Variants in PKIG observed in about 807,000 individuals in gnomAD.
PKIG encodes the protein protein kinase (cAMP-dependent, catalytic) inhibitor gamma.
A neutral mutation model predicts 6.8 loss-of-function variants in PKIG; 1 was observed. The ratio of observed to expected loss-of-function variants is 0.15; its 90% CI spans 0.05 to 0.69. The LOEUF (loss-of-function observed/expected upper bound fraction) is 0.69, where lower values mean the gene tolerates loss of function less well. PKIG is among the 30% of genes least tolerant of loss of function. The pLI, the probability that PKIG is intolerant of heterozygous loss-of-function variation, is 0.82. For synonymous variants in PKIG, 39 were observed against 43.0 expected, an observed-to-expected ratio of 0.91 and a Z score of 0.36; for missense variants, 77 against 104.0, an observed-to-expected ratio of 0.74 and a Z score of 1.13.
chr20:44,531,969 G>A (rs370181743), exon 1 of PKIG: 1 of 152,316 alleles, frequency 6.6e-6, no homozygotes, highest in Non-Finnish European at 1.5e-5. Context: ...GAGAGGCGGC[G>A]AGACCGCAGG....
chr20:44,593,446 A>T (rs906290496), intron 2 of PKIG, among the ~76,000 whole-genome samples: 1 of 151,918 alleles, frequency 6.6e-6, no homozygotes, highest in African/African-American at 2.4e-5. Flanking sequence ...GAAAATCCTG[A>T]CATTTGCAAA....
Position 44,554,561 on chromosome 20 carries a change from G to A in PKIG, c.-241+22583G>A, listed in dbSNP as rs148089774. On this transcript the variant is annotated intron_variant, in intron 1 of 4. Coordinates refer to the PKIG transcript ENST00000372887. The stretch of plus-strand genomic sequence containing the variant: ...TGATGCTAATTGCTAGCTAAGAACT[G>A]GGACAAGGGTGAGGGGGTGAGGGGG... 2.6e-5 allele frequency among the ~76,000 whole-genome samples: 4 copies of A among 152,242 alleles called. No individual in the cohort carries two copies. In the East Asian group the frequency reaches 5.8e-4, roughly 22 times the overall value.
chr20:44,551,334 G>A (rs527552521), intron 1 of PKIG, among the ~76,000 whole-genome samples: 5 of 152,312 alleles, frequency 3.3e-5, no homozygotes, highest in South Asian at 4.1e-4. Flanking sequence ...GATTACAGGC[G>A]TGAGCCACCG....
At chr20:44,534,343 G>A (rs1252606276) in intron 1 of PKIG, among the ~76,000 whole-genome samples, 1 of 152,220 alleles carries the variant, frequency 6.6e-6, no homozygotes, top group Non-Finnish European at 1.5e-5. Flanking sequence ...CCTGAAAGGA[G>A]TGCACCAGTG....
At chr20:44,601,622 G>A (rs1011339366) in intron 2 of PKIG, among the ~76,000 whole-genome samples, 3 of 152,114 alleles carry the variant, frequency 2.0e-5, no homozygotes, top group African/African-American at 4.8e-5. Context: ...CTGTTTCCAC[G>A]GCCCTTTCGT....
intron 1 of PKIG, among the ~76,000 whole-genome samples, chr20:44,558,436 A>G (rs890737307): frequency 2.6e-5 from 4 of 152,188 alleles, no homozygotes; most frequent in Non-Finnish European, 5.9e-5. Flanking sequence ...TTGACACTCT[A>G]AAATAGTAAG....
intron 1 of PKIG, among the ~76,000 whole-genome samples, chr20:44,556,573 C>T (rs888788903): frequency 3.3e-5 from 5 of 151,822 alleles, no homozygotes; most frequent in Non-Finnish European, 7.4e-5. Flanking sequence ...ATGTTGGCCA[C>T]GCTGGTCTTG....
intron 1 of PKIG, among the ~76,000 whole-genome samples, chr20:44,534,523 T>C (rs915781795): frequency 6.6e-6 from 1 of 151,524 alleles, no homozygotes; most frequent in Non-Finnish European, 1.5e-5. Context: ...TGCTGGAGTG[T>C]AGTGGTGCAA....
Position 44,582,725 on chromosome 20 carries a change from T to G in PKIG, c.-100T>G, listed in dbSNP as rs1023101978. On this transcript the variant is annotated 5_prime_UTR_variant, in exon 1 of 4. Transcript: ENST00000372886. ...GGACCACTGGATTTTGAGGAAACTTTGGTCTTGTAAGTAGAACTTTACTCT... is the reference window on the plus strand; with the variant it reads ...GGACCACTGGATTTTGAGGAAACTTGGGTCTTGTAAGTAGAACTTTACTCT... 2 of 152,404 alleles carry G rather than the reference T, an allele frequency of 1.3e-5. No homozygotes were observed. The highest frequency in any genetic ancestry group is 4.8e-5 in the African/African-American group (2 of 41,448). 9.4% of individuals were successfully genotyped at this position (152,404 alleles called of 1,614,324 possible). A position where few individuals can be genotyped will look rare whatever the true frequency, so the allele number is the denominator to read the frequency against.
At chr20:44,567,912 G>A (rs1381428449) in intron 1 of PKIG, among the ~76,000 whole-genome samples, 1 of 152,198 alleles carries the variant, frequency 6.6e-6, no homozygotes, top group Non-Finnish European at 1.5e-5. Context: ...TTGGGAGGCT[G>A]AGGCTGGCAG....
intron 1 of PKIG, among the ~76,000 whole-genome samples, chr20:44,563,722 G>A (rs1276190209): frequency 6.6e-6 from 1 of 151,968 alleles, no homozygotes; most frequent in East Asian, 1.9e-4. Flanking sequence ...GTAGAGATGA[G>A]GTCTTACTGT....
intron 1 of PKIG, among the ~76,000 whole-genome samples, chr20:44,555,176 G>A (rs540225823): frequency 3.9e-5 from 6 of 152,064 alleles, no homozygotes; most frequent in Admixed American, 6.5e-5. Context: ...TAGAATTATC[G>A]TCAGTATTAG....
At chr20:44,564,221 G>C (rs1312463727) in intron 1 of PKIG, 1 of 152,132 alleles carries the variant, frequency 6.6e-6, no homozygotes, top group Non-Finnish European at 1.5e-5. Flanking sequence ...TGGAGAAGGG[G>C]GCTCTGGTAA....
chr20:44,575,298 A>T (rs889375864), intron 1 of PKIG, among the ~76,000 whole-genome samples: 1 of 152,104 alleles, frequency 6.6e-6, no homozygotes, highest in Non-Finnish European at 1.5e-5. Flanking sequence ...GGCTCACTGC[A>T]ACTTCTGCAT....
chr20:44,615,063 C>T (rs530247028), intron 3 of PKIG, among the ~76,000 whole-genome samples: 82 of 152,278 alleles, frequency 5.4e-4, no homozygotes, highest in African/African-American at 1.8e-3. Context: ...CACCCATCTC[C>T]GCCCTTCCTG....
intron 1 of PKIG, among the ~76,000 whole-genome samples, chr20:44,543,466 A>G (rs1292048907): frequency 6.6e-6 from 1 of 152,192 alleles, no homozygotes; most frequent in Non-Finnish European, 1.5e-5. Context: ...TTGCATGCCC[A>G]CTGGGAAGAC....
chr20:44,580,010 A>G (rs535579261), upstream of PKIG, among the ~76,000 whole-genome samples: 1 of 152,308 alleles, frequency 6.6e-6, no homozygotes, highest in South Asian at 2.1e-4. Context: ...TTCATTACTC[A>G]TCGTGACATT....
At chr20:44,555,058 A>G (rs1415864624) in intron 1 of PKIG, among the ~76,000 whole-genome samples, 1 of 152,148 alleles carries the variant, frequency 6.6e-6, no homozygotes, top group East Asian at 1.9e-4. Flanking sequence ...TGTATTTTTG[A>G]CAGACTGCCA....
chr20:44,586,311 T>C (rs1234080390), intron 1 of PKIG, among the ~76,000 whole-genome samples: 1 of 152,190 alleles, frequency 6.6e-6, no homozygotes, highest in Non-Finnish European at 1.5e-5. Flanking sequence ...TGTCAGCCAA[T>C]GTACACAGGC....
Sources: gnomAD v4.1 joint callset for allele counts (sites outside exome capture counted in the v4.1 genomes callset) on GRCh38, gnomAD v4.1.1 for gene constraint, MANE v1.5 for transcripts, NCBI Gene and HGNC (gene_info 2026-07-23, HGNC 2026-07-21) for gene names.